Variants in DNAJC15 observed in about 807,000 individuals in gnomAD.
The protein encoded by DNAJC15 is DnaJ heat shock protein family (Hsp40) member C15.
A neutral mutation model predicts 22.4 loss-of-function variants in DNAJC15; 27 were observed. The observed-to-expected ratio is 1.20, with a 90% confidence interval of 0.89 to 1.66. DNAJC15 has a LOEUF of 1.66. Among genes scored for constraint, DNAJC15 ranks in the 40% most tolerant of loss-of-function variants. The pLI, the probability that DNAJC15 is intolerant of heterozygous loss-of-function variation, is 0.00. For synonymous variants in DNAJC15, 79 were observed against 63.2 expected, an observed-to-expected ratio of 1.25 and a Z score of -1.19; for missense variants, 208 against 187.1, an observed-to-expected ratio of 1.11 and a Z score of -0.65.
At chr13:43,046,850 C>T (rs992868758) in intron 1 of DNAJC15, among the ~76,000 whole-genome samples, 1 of 152,226 alleles carries the variant, frequency 6.6e-6, no homozygotes, top group Non-Finnish European at 1.5e-5. Context: ...AGCAGGGTGT[C>T]CACTGCGTTT....
intron 1 of DNAJC15, among the ~76,000 whole-genome samples, chr13:43,024,040 T>C (rs2040365981): frequency 6.6e-6 from 1 of 152,220 alleles, no homozygotes; most frequent in African/African-American, 2.4e-5. Context: ...TCCTATCTCA[T>C]AGGAGGCCCT....
chr13:43,081,603 T>C (rs1416471642), intron 4 of DNAJC15, among the ~76,000 whole-genome samples: 1 of 151,882 alleles, frequency 6.6e-6, no homozygotes, highest in East Asian at 1.9e-4. Flanking sequence ...CACGCCTGGC[T>C]AATTTTTTGT....
At chr13:43,035,458 C>T (rs1402040334) in intron 1 of DNAJC15, among the ~76,000 whole-genome samples, 1 of 152,140 alleles carries the variant, frequency 6.6e-6, no homozygotes, top group African/African-American at 2.4e-5. Flanking sequence ...TAGAATTTAA[C>T]AATCACCACC....
In DNAJC15 at chr13:43,068,779, G is replaced by GA. The variant is rs907845425; in HGVS notation, c.161-145dup. On this transcript the variant is annotated intron_variant, in intron 2 of 5. Transcript: ENST00000379221. ...TTGCCCTCCAATAAATTAAAAATTT[G>GA]AAAAAATTGACCATCTTTCTGGTAA... 79 of 595,442 alleles carry GA rather than the reference G, an allele frequency of 1.3e-4. No individual in the cohort carries two copies. In the African/African-American group the frequency reaches 1.4e-3, roughly 11 times the overall value. 36.9% of individuals were successfully genotyped at this position (595,442 alleles called of 1,614,324 possible).
At chr13:43,072,376 CAG>C (rs1425707407) in intron 3 of DNAJC15, among the ~76,000 whole-genome samples, 2 of 152,078 alleles carry the variant, frequency 1.3e-5, no homozygotes, top group Non-Finnish European at 2.9e-5. Flanking sequence ...GAACTCTGAA[CAG>C]AGAGATGAGA....
At chr13:43,095,467 G>A (rs2040735154) in intron 5 of DNAJC15, among the ~76,000 whole-genome samples, 1 of 152,064 alleles carries the variant, frequency 6.6e-6, no homozygotes, top group African/African-American at 2.4e-5. Flanking sequence ...TAGAGAATAG[G>A]AATTGAATAA....
intron 1 of DNAJC15, among the ~76,000 whole-genome samples, chr13:43,061,842 T>C (rs1334089791): frequency 1.3e-5 from 2 of 152,244 alleles, no homozygotes; most frequent in African/African-American, 2.4e-5. Flanking sequence ...GACAAATGTT[T>C]AAACTATAAG....
chr13:43,036,106 T>A (rs1433102653), intron 1 of DNAJC15, among the ~76,000 whole-genome samples: 1 of 152,166 alleles, frequency 6.6e-6, no homozygotes, highest in African/African-American at 2.4e-5. Context: ...TTTTTCAGAT[T>A]CCATTTTATT....
chr13:43,070,972 C>T (rs2040606192), intron 3 of DNAJC15, among the ~76,000 whole-genome samples: 1 of 152,098 alleles, frequency 6.6e-6, no homozygotes, highest in South Asian at 2.1e-4. Context: ...GCAATGGACA[C>T]AGTAACATAG....
intron 1 of DNAJC15, among the ~76,000 whole-genome samples, chr13:43,035,026 A>G (rs1396809507): frequency 1.3e-5 from 2 of 152,156 alleles, no homozygotes; most frequent in South Asian, 2.1e-4. Context: ...ATGTTCCCCA[A>G]TTCCTTTATC....
chr13:43,034,879 C>G (rs1006268223), intron 1 of DNAJC15, among the ~76,000 whole-genome samples: 1 of 152,170 alleles, frequency 6.6e-6, no homozygotes, highest in African/African-American at 2.4e-5. Context: ...TGCCCCAGTC[C>G]CAAAATCAGG....
At chr13:43,076,245 C>T (rs984052260) in intron 3 of DNAJC15, among the ~76,000 whole-genome samples, 4 of 152,096 alleles carry the variant, frequency 2.6e-5, no homozygotes, top group East Asian at 1.9e-4. Flanking sequence ...GAAGGACAGT[C>T]CTTGATCTCT....
rs567721403 is a variant in DNAJC15, at chr13:43,073,369, T to G, written c.234+4366T>G. 2.8e-4 allele frequency among the ~76,000 whole-genome samples: 43 copies of G among 152,296 alleles called. No individual in the cohort carries two copies. In the South Asian group the frequency reaches 8.3e-3, roughly 29 times the overall value. On this transcript the variant is annotated intron_variant, in intron 3 of 5. Transcript: ENST00000379221. ...GGCATAGCTTCTCACCTCCCTAGGCTTCTGGGTTCTGAAATGGGATCTGCT... is the reference window on the plus strand; with the variant it reads ...GGCATAGCTTCTCACCTCCCTAGGCGTCTGGGTTCTGAAATGGGATCTGCT...
At chr13:43,092,811 A>G (rs2153441900) in intron 5 of DNAJC15, among the ~76,000 whole-genome samples, 1 of 152,280 alleles carries the variant, frequency 6.6e-6, no homozygotes, top group Non-Finnish European at 1.5e-5. Context: ...CTACTTGTGA[A>G]GCTGAGGTGG....
chr13:43,084,553 A>G (rs1311323559), intron 4 of DNAJC15, among the ~76,000 whole-genome samples: 2 of 152,222 alleles, frequency 1.3e-5, no homozygotes, highest in African/African-American at 4.8e-5. Flanking sequence ...CTTTACAATA[A>G]TTACACTGTG....
chr13:43,045,615 C>T (rs890345261), intron 1 of DNAJC15, among the ~76,000 whole-genome samples: 1 of 152,140 alleles, frequency 6.6e-6, no homozygotes, highest in African/African-American at 2.4e-5. Context: ...ACATCGGGTT[C>T]TAAGTCATGA....
chr13:43,061,644 A>T (rs2040559547), intron 1 of DNAJC15, among the ~76,000 whole-genome samples: 1 of 152,230 alleles, frequency 6.6e-6, no homozygotes, highest in South Asian at 2.1e-4. Context: ...AAAGCAGTAC[A>T]AGAGAGGGAG....
intron 3 of DNAJC15, among the ~76,000 whole-genome samples, chr13:43,075,875 G>C (rs1180734193): frequency 6.6e-6 from 1 of 152,114 alleles, no homozygotes. Flanking sequence ...TGTTGGCCAG[G>C]CTGGTCTCTA....
chr13:43,075,022 G>A (rs2040626985), intron 3 of DNAJC15, among the ~76,000 whole-genome samples: 1 of 152,112 alleles, frequency 6.6e-6, no homozygotes, highest in African/African-American at 2.4e-5. Flanking sequence ...TAGTATGAGT[G>A]GTCCTGGAAC....
Sources: allele counts gnomAD v4.1 joint callset (sites outside exome capture counted in the v4.1 genomes callset), GRCh38; gene constraint gnomAD v4.1.1; transcripts MANE v1.5; gene names NCBI Gene and HGNC (gene_info 2026-07-23, HGNC 2026-07-21).